The following CFAP299 variants were observed in gnomAD, a reference collection of about 807,000 sequenced individuals.
CFAP299 encodes the protein cilia- and flagella-associated protein 299.
Under a neutral mutation model 27.0 loss-of-function variants are expected in CFAP299, and 21 were observed. That is an observed-to-expected ratio of 0.78 (90% CI 0.55 to 1.12). The LOEUF is 1.12. Ranked by LOEUF, CFAP299 falls within the 50% of genes most tolerant of loss-of-function variation. The probability of loss-of-function intolerance (pLI) is 0.00; values close to 1 mark genes in which losing one functional copy is unlikely to be tolerated. For synonymous variants in CFAP299, 104 were observed against 98.1 expected, an observed-to-expected ratio of 1.06 and a Z score of -0.36; for missense variants, 310 against 276.6, an observed-to-expected ratio of 1.12 and a Z score of -0.86.
At chr4:80,392,929 C>T (rs373263809) in intron 2 of CFAP299, among the ~76,000 whole-genome samples, 7 of 152,128 alleles carry the variant, frequency 4.6e-5, no homozygotes, top group African/African-American at 1.7e-4. Context: ...AAAACAGCCT[C>T]AGGCAGGTCC....
chr4:80,570,836 A>G (rs1404268684), intron 2 of CFAP299, among the ~76,000 whole-genome samples: 1 of 152,178 alleles, frequency 6.6e-6, no homozygotes, highest in Non-Finnish European at 1.5e-5. Context: ...AGAAAGGATA[A>G]ATAAATGGTT....
chr4:80,800,178 A>AATATATCATACTATATAAT (rs1385287080), intron 3 of CFAP299, among the ~76,000 whole-genome samples: 13 of 70,176 alleles, frequency 1.9e-4, no homozygotes, highest in African/African-American at 8.4e-4. Context: ...TATAATATAT[A>AATATATCATACTATATAAT]ATAATATGTA....
At chr4:80,615,230 T>C (rs1738212384) in intron 3 of CFAP299, among the ~76,000 whole-genome samples, 1 of 152,204 alleles carries the variant, frequency 6.6e-6, no homozygotes, top group East Asian at 1.9e-4. Flanking sequence ...GATTTGAGCT[T>C]AGGGAACTGC....
intron 3 of CFAP299, among the ~76,000 whole-genome samples, chr4:80,844,282 C>A (rs1300050509): frequency 6.6e-6 from 1 of 152,070 alleles, no homozygotes; most frequent in Non-Finnish European, 1.5e-5. Context: ...AATGGGATGG[C>A]TGGGTCAAAT....
chr4:80,814,411 G>A (rs1012450730), intron 3 of CFAP299, among the ~76,000 whole-genome samples: 5 of 151,922 alleles, frequency 3.3e-5, no homozygotes, highest in African/African-American at 1.2e-4. Context: ...GCCATTTAAA[G>A]GCATTTTTCC....
intron 2 of CFAP299, among the ~76,000 whole-genome samples, chr4:80,486,445 A>C (rs1232456704): frequency 6.6e-6 from 1 of 152,240 alleles, no homozygotes; most frequent in African/African-American, 2.4e-5. Flanking sequence ...GCTAAAGGAA[A>C]AAGTTCTAGC....
intron 3 of CFAP299, among the ~76,000 whole-genome samples, chr4:80,594,590 T>C (rs544601222): frequency 6.6e-6 from 1 of 152,266 alleles, no homozygotes; most frequent in Non-Finnish European, 1.5e-5. Flanking sequence ...ATTTTCATTT[T>C]AAAATATCAT....
intron 2 of CFAP299, chr4:80,420,457 T>A: frequency 3.6e-6 from 1 of 279,340 alleles, no homozygotes; most frequent in South Asian, 3.6e-5. Flanking sequence ...ATAACAGCCA[T>A]TCTAACAAAT....
At chr4:80,683,478 A>C (rs1354605687) in intron 3 of CFAP299, among the ~76,000 whole-genome samples, 1 of 152,194 alleles carries the variant, frequency 6.6e-6, no homozygotes. Context: ...TATAACATAA[A>C]ACTTACAAGT....
At chr4:80,798,296 A>G (rs1258433887) in intron 3 of CFAP299, among the ~76,000 whole-genome samples, 1 of 152,070 alleles carries the variant, frequency 6.6e-6, no homozygotes, top group Non-Finnish European at 1.5e-5. Flanking sequence ...CAGGCAGTAC[A>G]GGGTTTATCT....
At chr4:80,847,426 C>G (rs1731246815) in intron 3 of CFAP299, among the ~76,000 whole-genome samples, 1 of 152,168 alleles carries the variant, frequency 6.6e-6, no homozygotes, top group Non-Finnish European at 1.5e-5. Flanking sequence ...ATAAACTCTC[C>G]CTCTTGGGAG....
chr4:80,838,474 G>A (rs78100352), intron 3 of CFAP299, among the ~76,000 whole-genome samples: 1 of 152,010 alleles, frequency 6.6e-6, no homozygotes, highest in Admixed American at 6.6e-5. Flanking sequence ...TAAGTTTTCT[G>A]CATATGGCTT....
Position 80,623,873 on chromosome 4 carries a change from A to T in CFAP299, c.333+40690A>T, listed in dbSNP as rs147376586. Among the ~76,000 whole-genome samples the T allele has an allele frequency of 2.1e-3, 313 of 152,238 alleles. 2 individuals are homozygous for T. Among genetic ancestry groups the T allele is most frequent in the African/African-American group, 6.9e-3 (288 of 41,556 alleles). On this transcript the variant is annotated intron_variant, in intron 3 of 5. Transcript: ENST00000358105. ...AGCCCCACGTCTCAGGCTTGTGTGG[A>T]AGACTTGATTTCTGGTAGCTCTAGA...
At chr4:80,851,187 G>A (rs1731501331) in intron 3 of CFAP299, among the ~76,000 whole-genome samples, 1 of 152,114 alleles carries the variant, frequency 6.6e-6, no homozygotes, top group African/African-American at 2.4e-5. Context: ...CACTGTTCAA[G>A]AAAATAATGT....
At chr4:80,351,177 A>G (rs1337149913) in intron 1 of CFAP299, among the ~76,000 whole-genome samples, 1 of 152,146 alleles carries the variant, frequency 6.6e-6, no homozygotes, top group African/African-American at 2.4e-5. Flanking sequence ...ATAAGCAGGA[A>G]ACTTGGATCA....
intron 4 of CFAP299, chr4:80,871,186 C>T (rs767646617): frequency 9.2e-6 from 9 of 981,358 alleles, no homozygotes; most frequent in East Asian, 1.1e-4. Flanking sequence ...GGATTACAGG[C>T]GTCAGCCACC....
rs76910912 is a variant in CFAP299 at position 80,612,433 on chromosome 4, T to C, written c.333+29250T>C. ...TTTTTCTATCAAATGGGTTCTGACATATTATTAGAGTTTGAGACAAAATCT... is the reference window on the plus strand; with the variant it reads ...TTTTTCTATCAAATGGGTTCTGACACATTATTAGAGTTTGAGACAAAATCT... On this transcript the variant is annotated intron_variant, in intron 3 of 5. Coordinates refer to ENST00000358105, the MANE Select transcript of CFAP299 (RefSeq NM_152770.3). Among the ~76,000 whole-genome samples the C allele has an allele frequency of 6.8e-3, 1,034 of 152,188 alleles. 17 individuals are homozygous for C. Among genetic ancestry groups the C allele is most frequent in the African/African-American group, 0.024 (993 of 41,532 alleles).
intron 4 of CFAP299, among the ~76,000 whole-genome samples, chr4:80,916,887 T>A (rs1219689508): frequency 6.6e-6 from 1 of 151,752 alleles, no homozygotes; most frequent in Non-Finnish European, 1.5e-5. Flanking sequence ...TTCCATGTCT[T>A]CAAAAAAAAA....
At chr4:80,512,356 C>T (rs529728188) in intron 2 of CFAP299, among the ~76,000 whole-genome samples, 6 of 151,894 alleles carry the variant, frequency 4.0e-5, no homozygotes, top group South Asian at 4.2e-4. Flanking sequence ...ACAAAGCATC[C>T]GATGCTAAGA....
Sources: gnomAD v4.1 joint callset for allele counts (sites outside exome capture counted in the v4.1 genomes callset) on GRCh38, gnomAD v4.1.1 for gene constraint, MANE v1.5 for transcripts, NCBI Gene and HGNC (gene_info 2026-07-23, HGNC 2026-07-21) for gene names.